CLASP1: variants seen among roughly 807,000 people sequenced by gnomAD.
CLASP1 encodes the protein CLIP-associating protein 1.
In CLASP1, 38 loss-of-function variants were observed where a neutral mutation model predicts 192.3. The ratio of observed to expected loss-of-function variants is 0.20; its 90% CI spans 0.15 to 0.26. The LOEUF is 0.26. Among genes scored for constraint, CLASP1 ranks in the 10% least tolerant of loss-of-function variants. The pLI is 1.00. For missense variants in CLASP1, 1,433 were observed against 1,932.5 expected (o/e 0.74, Z 4.85); for synonymous variants, 691 against 712.8 (o/e 0.97, Z 0.49).
At chr2:121,400,720 A>G (rs1469145677) in intron 28 of CLASP1, among the ~76,000 whole-genome samples, 1 of 152,226 alleles carries the variant, frequency 6.6e-6, no homozygotes, top group Non-Finnish European at 1.5e-5. Flanking sequence ...AAATTCTATG[A>G]TAACTAGAAT....
chr2:121,607,711 C>T lies in CLASP1; in HGVS notation c.-285-1531G>A, dbSNP rs566652477. Among the ~76,000 whole-genome samples, 6 of 152,178 alleles carry T rather than the reference C, an allele frequency of 3.9e-5. No individual in the cohort carries two copies. In the South Asian group the frequency reaches 1.2e-3, roughly 32 times the overall value. On this transcript the variant is annotated intron_variant, in intron 1 of 39. Coordinates refer to ENST00000263710, the Ensembl canonical transcript of CLASP1. ...CTTTTTTCACACCAGTAGTAAGTCC[C>T]AACTTTCAAAGTTTCCAGAAAACAT...
At chr2:121,456,146 T>C (rs536249201) in intron 14 of CLASP1, among the ~76,000 whole-genome samples, 3 of 152,186 alleles carry the variant, frequency 2.0e-5, no homozygotes, top group African/African-American at 7.2e-5. Flanking sequence ...ACAAAATGTA[T>C]ACACATTATC....
At chr2:121,448,993 G>C in exon 17 of CLASP1, 3 of 1,613,948 alleles carry the variant, frequency 1.9e-6, no homozygotes, top group Non-Finnish European at 2.5e-6. Context: ...CGGTCTGACT[G>C]AGGCAGAGAC....
chr2:121,400,253 G>A (rs949236014), intron 28 of CLASP1, among the ~76,000 whole-genome samples: 2 of 152,046 alleles, frequency 1.3e-5, no homozygotes, highest in African/African-American at 2.4e-5. Context: ...ACCGACAGAT[G>A]CAAGTACATT....
At chr2:121,339,487 C>T (rs2062611693) in exon 40 of CLASP1, 1 of 152,208 alleles carries the variant, frequency 6.6e-6, no homozygotes, top group South Asian at 2.1e-4. Context: ...TAGAAGTCCT[C>T]ATGATTGCAT....
chr2:121,523,885 T>C (rs2094512168), intron 6 of CLASP1, among the ~76,000 whole-genome samples: 1 of 152,016 alleles, frequency 6.6e-6, no homozygotes, highest in Non-Finnish European at 1.5e-5. Context: ...GCTAAATATA[T>C]GTGGAAGAAA....
At chr2:121,364,968 T>C (rs1313687721) in intron 36 of CLASP1, 126 bp downstream of exon 37, 1 of 872,768 alleles carries the variant, frequency 1.1e-6, no homozygotes, top group African/African-American at 1.7e-5. Context: ...AATGAACAAA[T>C]AAATGTTTTG....
chr2:121,338,827 A>G (rs2149063850), exon 40 of CLASP1: 1 of 152,354 alleles, frequency 6.6e-6, no homozygotes, highest in Admixed American at 6.5e-5. Context: ...GCTCAAGGAG[A>G]AAGGTCTTTC....
At chr2:121,500,018 A>T (rs1190194938) in intron 8 of CLASP1, among the ~76,000 whole-genome samples, 1 of 152,188 alleles carries the variant, frequency 6.6e-6, no homozygotes, top group Non-Finnish European at 1.5e-5. Context: ...AATTAAAAGC[A>T]TACGTATCTG....
intron 37 of CLASP1, among the ~76,000 whole-genome samples, chr2:121,356,494 GT>G (rs1383159831): frequency 6.6e-6 from 1 of 152,224 alleles, no homozygotes; most frequent in Non-Finnish European, 1.5e-5. Context: ...GGAGACCTGA[GT>G]TTTGGCTCTG....
At chr2:121,460,547 C>A (rs1394070078) in intron 11 of CLASP1, among the ~76,000 whole-genome samples, 1 of 152,154 alleles carries the variant, frequency 6.6e-6, no homozygotes, top group African/African-American at 2.4e-5. Context: ...TATTTATTAT[C>A]CTCCACTGAA....
chr2:121,369,627 C>T (rs771800531), intron 34 of CLASP1, among the ~76,000 whole-genome samples: 10 of 152,192 alleles, frequency 6.6e-5, no homozygotes, highest in South Asian at 2.1e-4. Context: ...AGGCTTTACG[C>T]AGCAGGAACC....
rs545012729 is a variant in CLASP1, at chr2:121,646,797, G to A, written c.-286+2575C>T. ...TCACGCCTGTAATCCCAGCACTTTGGGAGGCTGAGGCAGGCGGATCATGAG... is the reference window on the plus strand; with the variant it reads ...TCACGCCTGTAATCCCAGCACTTTGAGAGGCTGAGGCAGGCGGATCATGAG... On this transcript the variant is annotated intron_variant, in intron 1 of 39. Coordinates refer to ENST00000263710, the Ensembl canonical transcript of CLASP1. Among the ~76,000 whole-genome samples the A allele has an allele frequency of 2.0e-5, 3 of 152,120 alleles. No individual in the cohort carries two copies. The East Asian group carries it at 5.8e-4, about 30-fold the overall frequency.
At chr2:121,419,839 G>GA (rs371632568) in intron 22 of CLASP1, among the ~76,000 whole-genome samples, 2 of 152,042 alleles carry the variant, frequency 1.3e-5, no homozygotes, top group African/African-American at 2.4e-5. Flanking sequence ...GGATGGACTG[G>GA]AAAAAATGTC....
At chr2:121,628,914 T>A (rs936943346) in intron 1 of CLASP1, among the ~76,000 whole-genome samples, 6 of 149,162 alleles carry the variant, frequency 4.0e-5, no homozygotes, top group Admixed American at 6.7e-5. Context: ...TATACCAAAC[T>A]GAACATATCA....
At chr2:121,517,857 G>GTTTTTT (rs1559495604) in intron 6 of CLASP1, among the ~76,000 whole-genome samples, 1 of 60,658 alleles carries the variant, frequency 1.6e-5, no homozygotes, top group African/African-American at 1.2e-4. Context: ...CAAGACTCAA[G>GTTTTTT]CTTTTTTTTT....
At chr2:121,384,031 CATATATATGTATATAT>C (rs1339162960) in intron 32 of CLASP1, among the ~76,000 whole-genome samples, 4 of 132,836 alleles carry the variant, frequency 3.0e-5, no homozygotes, top group Non-Finnish European at 5.1e-5. Flanking sequence ...CACACACACA[CATATATATGTATATAT>C]ACACACATAT....
intron 19 of CLASP1, among the ~76,000 whole-genome samples, chr2:121,432,473 G>A (rs531584662): frequency 1.3e-5 from 2 of 152,204 alleles, no homozygotes; most frequent in African/African-American, 4.8e-5. Flanking sequence ...AAGTAAATTC[G>A]CCTTTTCCTA....
At chr2:121,371,239 A>T (rs554726559) in intron 34 of CLASP1, among the ~76,000 whole-genome samples, 203 of 149,978 alleles carry the variant, frequency 1.4e-3, no homozygotes, top group African/African-American at 4.0e-3. Context: ...ATATATATAT[A>T]TTTTTTTAAG....
Sources: gnomAD v4.1 joint callset for allele counts (sites outside exome capture counted in the v4.1 genomes callset) on GRCh38, gnomAD v4.1.1 for gene constraint, MANE v1.5 for transcripts, NCBI Gene and HGNC (gene_info 2026-07-23, HGNC 2026-07-21) for gene names.